The following EPSTI1 variants were observed in gnomAD, a reference collection of about 807,000 sequenced individuals.
EPSTI1 encodes epithelial-stromal interaction protein 1.
In EPSTI1, 66 loss-of-function variants were observed where a neutral mutation model predicts 49.9. The observed-to-expected ratio is 1.32, with a 90% CI of 1.08 to 1.62. EPSTI1 has a LOEUF of 1.62. Ranked by LOEUF, EPSTI1 falls within the 40% of genes most tolerant of loss-of-function variation. EPSTI1 has a pLI of 0.00. For missense variants in EPSTI1, 394 were observed against 365.5 expected (o/e 1.08, Z -0.64); for synonymous variants, 137 against 130.7 (o/e 1.05, Z -0.33).
At chr13:42,943,459 A>G (rs1229638064) in intron 6 of EPSTI1, among the ~76,000 whole-genome samples, 1 of 152,184 alleles carries the variant, frequency 6.6e-6, no homozygotes, top group Non-Finnish European at 1.5e-5. Flanking sequence ...CTTCTGAGTT[A>G]GCAGTTATTG....
intron 1 of EPSTI1, among the ~76,000 whole-genome samples, chr13:42,987,566 G>A (rs2040107207): frequency 7.1e-6 from 1 of 140,998 alleles, no homozygotes; most frequent in Non-Finnish European, 1.6e-5. Context: ...AAAACATTGA[G>A]GTTTTTTTGC....
At chr13:42,899,184 T>C (rs1217813503) in intron 9 of EPSTI1, among the ~76,000 whole-genome samples, 4 of 142,688 alleles carry the variant, frequency 2.8e-5, no homozygotes, top group African/African-American at 7.9e-5. Context: ...GGCAAAAGAG[T>C]GAGACTCTGT....
intron 6 of EPSTI1, among the ~76,000 whole-genome samples, chr13:42,928,464 T>C (rs117046242): frequency 0.018 from 2,688 of 152,324 alleles, 34 homozygotes; most frequent in Middle Eastern, 0.041. Context: ...TTGGGGGTTC[T>C]TGGTATTATC....
chr13:42,956,570 G>C (rs374914460), intron 5 of EPSTI1, among the ~76,000 whole-genome samples: 1 of 152,172 alleles, frequency 6.6e-6, no homozygotes. Context: ...GCAGCTTGTG[G>C]CTGCTTTAGC....
chr13:42,895,070 CT>C lies in EPSTI1; in HGVS notation c.853del (p.Ser285ValfsTer15). 2 of 1,613,622 alleles carry C rather than the reference CT, an allele frequency of 1.2e-6. No individual in the cohort carries two copies. Among genetic ancestry groups the C allele is most frequent in the Non-Finnish European group, 1.7e-6 (2 of 1,179,730 alleles). On this transcript the variant is annotated frameshift_variant, in exon 10 of 11. Coordinates refer to ENST00000313624, the MANE Select transcript of EPSTI1 (RefSeq NM_033255.5). LOFTEE classifies it high-confidence loss of function. ...NAFLDRLQGK[S>X]QPGGLEQSGG... is the part of the protein sequence containing the mutation. ...AGATTGCTCGAGGCCACCTGGTTGA[CT>C]TTTGCCTTGGAGTCGGTCCAGAAAA...
rs2036888001 is a variant in EPSTI1, at chr13:42,887,130, A to G, written c.*1364T>C. 6.6e-6 allele frequency: 1 copy of G among 152,248 alleles called. No homozygotes were observed. The highest frequency in any genetic ancestry group is 2.1e-4 in the South Asian group (1 of 4,830). The allele number at this position is 152,248 out of a possible 1,614,324, so 9.4% of individuals were successfully genotyped here. A position where few individuals can be genotyped will look rare whatever the true frequency, so the allele number is the denominator to read the frequency against. ...GGCTGGGGGATTGAGTTTCCCCCAT[A>G]TAAGGCAATGACAAGGATTTCAAAT... On this transcript the variant is annotated 3_prime_UTR_variant, in exon 11 of 11. Coordinates refer to ENST00000313624, the MANE Select transcript of EPSTI1 (RefSeq NM_033255.5).
chr13:42,950,214 T>C (rs998798773), intron 6 of EPSTI1, among the ~76,000 whole-genome samples: 1 of 152,222 alleles, frequency 6.6e-6, no homozygotes, highest in African/African-American at 2.4e-5. Context: ...TCTGTTCTGC[T>C]CTCAGCCGCT....
chr13:42,949,951 G>GT (rs1381043898), intron 6 of EPSTI1, among the ~76,000 whole-genome samples: 1 of 151,112 alleles, frequency 6.6e-6, no homozygotes, highest in African/African-American at 2.4e-5. Flanking sequence ...TCCTATCATT[G>GT]TTTTTTAAAA....
chr13:42,974,358 G>T (rs912756421), intron 1 of EPSTI1, among the ~76,000 whole-genome samples: 15 of 150,978 alleles, frequency 9.9e-5, no homozygotes, highest in Admixed American at 5.9e-4. Flanking sequence ...AAAAGAAAAA[G>T]AAAAGAAATG....
At chr13:42,925,120 T>C (rs2038130377) in intron 7 of EPSTI1, among the ~76,000 whole-genome samples, 1 of 152,194 alleles carries the variant, frequency 6.6e-6, no homozygotes, top group African/African-American at 2.4e-5. Flanking sequence ...TGACCTGCAC[T>C]CTCTTCTCCA....
intron 5 of EPSTI1, among the ~76,000 whole-genome samples, chr13:42,960,958 C>T (rs1337859790): frequency 6.6e-6 from 1 of 152,204 alleles, no homozygotes; most frequent in African/African-American, 2.4e-5. Flanking sequence ...CACCTGTGAC[C>T]TTAATCCCCT....
At chr13:42,989,567 C>CTTTTTTTTTTTTTTTTCTTTTTTTTT in intron 1 of EPSTI1, among the ~76,000 whole-genome samples, 1 of 79,022 alleles carries the variant, frequency 1.3e-5, no homozygotes, top group Admixed American at 1.6e-4. Flanking sequence ...CCTCTTTTTT[C>CTTTTTTTTTTTTTTTTCTTTTTTTTT]TTTTTTTTTT....
intron 8 of EPSTI1, among the ~76,000 whole-genome samples, chr13:42,909,918 T>C (rs2037615331): frequency 1.3e-5 from 2 of 152,160 alleles, no homozygotes; most frequent in Admixed American, 1.3e-4. Flanking sequence ...AATGATCATT[T>C]ATTATATTCT....
chr13:42,923,945 A>G (rs1272173876), intron 7 of EPSTI1, among the ~76,000 whole-genome samples: 1 of 152,262 alleles, frequency 6.6e-6, no homozygotes, highest in Admixed American at 6.5e-5. Context: ...AGTATTAAAA[A>G]TTATATATAA....
chr13:42,968,055 C>G (rs1197749087), intron 3 of EPSTI1, among the ~76,000 whole-genome samples: 1 of 152,156 alleles, frequency 6.6e-6, no homozygotes, highest in East Asian at 1.9e-4. Flanking sequence ...CTAGGTCACT[C>G]TACTGTTTGA....
At chr13:42,907,667 T>C (rs1475812519) in intron 8 of EPSTI1, among the ~76,000 whole-genome samples, 1 of 152,242 alleles carries the variant, frequency 6.6e-6, no homozygotes, top group African/African-American at 2.4e-5. Flanking sequence ...TTCATATTTT[T>C]CTAAAGTTTA....
chr13:42,895,354 C>T (rs1376419496), intron 9 of EPSTI1, among the ~76,000 whole-genome samples: 2 of 152,214 alleles, frequency 1.3e-5, no homozygotes, highest in African/African-American at 4.8e-5. Context: ...GAGTTTCAGG[C>T]ACTCATCTCC....
At chr13:42,908,996 G>C (rs1008313859) in intron 8 of EPSTI1, among the ~76,000 whole-genome samples, 1 of 151,964 alleles carries the variant, frequency 6.6e-6, no homozygotes, top group East Asian at 1.9e-4. Flanking sequence ...AGGAGGCTGA[G>C]GCAGGAGAAT....
chr13:42,935,889 G>A (rs1315819170), intron 6 of EPSTI1, among the ~76,000 whole-genome samples: 1 of 152,082 alleles, frequency 6.6e-6, no homozygotes. Flanking sequence ...ACCATGCCCG[G>A]CCCACTCATG....
Sources: gnomAD v4.1 joint callset for allele counts (sites outside exome capture counted in the v4.1 genomes callset) on GRCh38, gnomAD v4.1.1 for gene constraint, MANE v1.5 for transcripts, NCBI Gene and HGNC (gene_info 2026-07-23, HGNC 2026-07-21) for gene names.